Variants in PDE1C observed in about 807,000 individuals in gnomAD.
PDE1C encodes the protein dual specificity calcium/calmodulin-dependent 3',5'-cyclic nucleotide phosphodiesterase 1C.
A neutral mutation model predicts 93.1 loss-of-function variants in PDE1C; 62 were observed. The observed-to-expected ratio is 0.67, with a 90% CI of 0.54 to 0.82. The LOEUF (loss-of-function observed/expected upper bound fraction) is 0.82. Among genes scored for constraint, PDE1C ranks in the 40% least tolerant of loss-of-function variants. PDE1C has a pLI of 0.00. For missense variants in PDE1C, 742 were observed against 884.6 expected (o/e 0.84, Z 2.04); for synonymous variants, 325 against 310.1 (o/e 1.05, Z -0.50).
chr7:31,959,187 GTT>G (rs145074347), intron 2 of PDE1C, among the ~76,000 whole-genome samples: 1 of 149,932 alleles, frequency 6.7e-6, no homozygotes, highest in Non-Finnish European at 1.5e-5. Flanking sequence ...TTTGTTTTTT[GTT>G]TTTTGTTTTG....
At chr7:32,112,852 A>G (rs62458875) in intron 3 of PDE1C, among the ~76,000 whole-genome samples, 4,725 of 101,502 alleles carry the variant, frequency 0.047, 120 homozygotes, top group African/African-American at 0.15. Context: ...GTGTGTATAT[A>G]TATATATATA....
intron 1 of PDE1C, among the ~76,000 whole-genome samples, chr7:32,275,349 G>A (rs1811211705): frequency 6.6e-6 from 1 of 151,902 alleles, no homozygotes; most frequent in Non-Finnish European, 1.5e-5. Flanking sequence ...CCCACACCCA[G>A]CCCCTACTGA....
At chr7:32,228,423 G>T (rs149708429) in intron 1 of PDE1C, among the ~76,000 whole-genome samples, 148 of 152,292 alleles carry the variant, frequency 9.7e-4, no homozygotes, top group African/African-American at 3.4e-3. Flanking sequence ...GCTCTTTAGA[G>T]GTGGGAATAA....
chr7:32,203,337 T>G lies in PDE1C; in HGVS notation c.136+6152A>C, dbSNP rs143409427. Among the ~76,000 whole-genome samples, 667 of 152,306 alleles carry G rather than the reference T, an allele frequency of 4.4e-3. 7 individuals are homozygous for G. Among genetic ancestry groups the G allele is most frequent in the African/African-American group, 0.015 (636 of 41,570 alleles). ...AAGTTCCCTGGCTGAACTCTAGCACTGTCTCGGACATGATTTTGAGTTCCC... is the reference window on the plus strand; with the variant it reads ...AAGTTCCCTGGCTGAACTCTAGCACGGTCTCGGACATGATTTTGAGTTCCC... On this transcript the variant is annotated intron_variant, in intron 2 of 18. Coordinates refer to the PDE1C transcript ENST00000396193.
chr7:31,631,049 A>C, the PDE1C span, among the ~76,000 whole-genome samples: 1 of 152,218 alleles, frequency 6.6e-6, no homozygotes, highest in African/African-American at 2.4e-5. Context: ...AAATATCAAT[A>C]ACTATTGAAG....
intron 2 of PDE1C, among the ~76,000 whole-genome samples, chr7:32,205,577 C>A (rs1324688069): frequency 6.8e-6 from 1 of 147,478 alleles, no homozygotes; most frequent in Non-Finnish European, 1.5e-5. Context: ...TGGGTGGAGC[C>A]AAAAAAGAGA....
At chr7:32,029,996 G>T (rs1790079980) in intron 2 of PDE1C, among the ~76,000 whole-genome samples, 1 of 151,628 alleles carries the variant, frequency 6.6e-6, no homozygotes, top group Non-Finnish European at 1.5e-5. Context: ...TTTAAAAAGA[G>T]GTACATTTCT....
intron 1 of PDE1C, among the ~76,000 whole-genome samples, chr7:32,215,622 G>A (rs1562588438): frequency 1.3e-5 from 2 of 152,174 alleles, no homozygotes; most frequent in African/African-American, 4.8e-5. Flanking sequence ...AGACCACCCA[G>A]GGGGCTCTGA....
chr7:32,419,821 A>G (rs935543153), intron 1 of PDE1C, among the ~76,000 whole-genome samples: 4 of 151,766 alleles, frequency 2.6e-5, no homozygotes, highest in Admixed American at 6.6e-5. Context: ...GAGATGTAAG[A>G]TGCACACACA....
intron 1 of PDE1C, among the ~76,000 whole-genome samples, chr7:32,370,176 G>A (rs1486739090): frequency 1.1e-4 from 16 of 152,266 alleles, no homozygotes; most frequent in African/African-American, 3.4e-4. Flanking sequence ...TCTGCCGGGC[G>A]CAGTGGCTCA....
chr7:32,213,279 C>T (rs1277435843), intron 1 of PDE1C, among the ~76,000 whole-genome samples: 1 of 152,062 alleles, frequency 6.6e-6, no homozygotes, highest in Non-Finnish European at 1.5e-5. Context: ...ATTACTGGGG[C>T]GATTGGAACA....
chr7:31,693,358 G>T, the PDE1C span, among the ~76,000 whole-genome samples: 2 of 152,176 alleles, frequency 1.3e-5, no homozygotes, highest in Non-Finnish European at 2.9e-5. Flanking sequence ...TTCAACACAT[G>T]ACTATGGCAT....
intron 16 of PDE1C, among the ~76,000 whole-genome samples, chr7:31,780,803 TTGTG>T (rs55970947): frequency 0.078 from 11,697 of 149,604 alleles, 750 homozygotes; most frequent in East Asian, 0.37. Context: ...ACGTGTGCAT[TTGTG>T]TGTGTGTGTG....
chr7:32,023,237 T>C (rs904659346), intron 2 of PDE1C, among the ~76,000 whole-genome samples: 1 of 152,204 alleles, frequency 6.6e-6, no homozygotes, highest in African/African-American at 2.4e-5. Context: ...GTGGGATTAG[T>C]GAAGGCTTTA....
At chr7:32,042,436 C>A (rs1791953209) in intron 2 of PDE1C, among the ~76,000 whole-genome samples, 1 of 152,320 alleles carries the variant, frequency 6.6e-6, no homozygotes, top group Non-Finnish European at 1.5e-5. Flanking sequence ...TTTGAGTTAC[C>A]TCAGATGAGT....
chr7:32,021,315 A>T (rs113853078), intron 2 of PDE1C, among the ~76,000 whole-genome samples: 5 of 152,232 alleles, frequency 3.3e-5, no homozygotes, highest in African/African-American at 1.2e-4. Context: ...AATCCAGGGC[A>T]TTGAACTTCT....
chr7:32,317,454 G>T (rs959204209), intron 1 of PDE1C, among the ~76,000 whole-genome samples: 1 of 152,114 alleles, frequency 6.6e-6, no homozygotes, highest in African/African-American at 2.4e-5. Flanking sequence ...TCTACTGAGA[G>T]GGTGTAAAAT....
At chr7:32,032,301 G>T (rs569709650) in intron 2 of PDE1C, among the ~76,000 whole-genome samples, 14 of 152,278 alleles carry the variant, frequency 9.2e-5, no homozygotes, top group Admixed American at 9.2e-4. Flanking sequence ...AAACCTACTT[G>T]CCCTTGCCTG....
At chr7:32,004,443 T>C (rs1315467619) in intron 2 of PDE1C, among the ~76,000 whole-genome samples, 2 of 152,188 alleles carry the variant, frequency 1.3e-5, no homozygotes, top group Non-Finnish European at 2.9e-5. Context: ...CCTCCTTTCC[T>C]CTGGCAGTAG....
Sources: gnomAD v4.1 joint callset for allele counts (sites outside exome capture counted in the v4.1 genomes callset) on GRCh38, gnomAD v4.1.1 for gene constraint, MANE v1.5 for transcripts, NCBI Gene and HGNC (gene_info 2026-07-23, HGNC 2026-07-21) for gene names.